The following ENTREP2 variants were observed in gnomAD, a reference collection of about 807,000 sequenced individuals.
The protein encoded by ENTREP2 is protein ENTREP2.
At chr15:29,650,188 A>G in the ENTREP2 span, among the ~76,000 whole-genome samples, 1 of 152,174 alleles carries the variant, frequency 6.6e-6, no homozygotes, top group African/African-American at 2.4e-5. Flanking sequence ...AAAAAAAAAA[A>G]AAGTTAGACA....
the ENTREP2 span, among the ~76,000 whole-genome samples, chr15:29,288,488 G>A: frequency 0.027 from 4,070 of 152,240 alleles, 227 homozygotes; most frequent in African/African-American, 0.093. Flanking sequence ...GCCTCCTTCA[G>A]GTCCCCAGCA....
At chr15:29,295,941 G>GA in the ENTREP2 span, among the ~76,000 whole-genome samples, 1 of 152,232 alleles carries the variant, frequency 6.6e-6, no homozygotes, top group Non-Finnish European at 1.5e-5. Context: ...CCTTGGGGAA[G>GA]AGGGGACTGC....
the ENTREP2 span, among the ~76,000 whole-genome samples, chr15:29,367,697 C>T: frequency 6.6e-6 from 1 of 152,020 alleles, no homozygotes; most frequent in Admixed American, 6.5e-5. Context: ...GAAGGTGTGC[C>T]CCAAGAGTCA....
the ENTREP2 span, among the ~76,000 whole-genome samples, chr15:29,310,443 C>T: frequency 6.6e-6 from 1 of 152,150 alleles, no homozygotes; most frequent in Non-Finnish European, 1.5e-5. Context: ...TAGGGAGGTC[C>T]TCAGAGGGAA....
the ENTREP2 span, among the ~76,000 whole-genome samples, chr15:29,405,870 C>T: frequency 4.6e-5 from 7 of 152,202 alleles, no homozygotes; most frequent in Non-Finnish European, 2.9e-5. Flanking sequence ...GGAGGCAGCA[C>T]GGTCCTGAGG....
chr15:29,506,582 G>A, the ENTREP2 span, among the ~76,000 whole-genome samples: 1 of 152,200 alleles, frequency 6.6e-6, no homozygotes, highest in African/African-American at 2.4e-5. Flanking sequence ...CTACAAGCCA[G>A]AAGAGAGTAG....
At chr15:29,197,547 C>T in the ENTREP2 span, among the ~76,000 whole-genome samples, 8 of 152,172 alleles carry the variant, frequency 5.3e-5, no homozygotes, top group Admixed American at 2.0e-4. Flanking sequence ...GCGGGCAGAT[C>T]ACAAGGTTAG....
the ENTREP2 span, among the ~76,000 whole-genome samples, chr15:29,620,581 T>C: frequency 6.6e-6 from 1 of 151,992 alleles, no homozygotes; most frequent in African/African-American, 2.4e-5. Flanking sequence ...CAGGCTCCGA[T>C]GAAGTATGAT....
the ENTREP2 span, among the ~76,000 whole-genome samples, chr15:29,404,611 C>G: frequency 6.6e-6 from 1 of 151,922 alleles, no homozygotes; most frequent in African/African-American, 2.4e-5. Context: ...TCCCTCGGCC[C>G]ATCATCTCCC....
At chr15:29,557,296 A>G in the ENTREP2 span, among the ~76,000 whole-genome samples, 2 of 152,088 alleles carry the variant, frequency 1.3e-5, no homozygotes, top group African/African-American at 4.8e-5. Flanking sequence ...GGTGACCCGA[A>G]CTTTGACTCT....
At chr15:29,271,764 G>A in the ENTREP2 span, among the ~76,000 whole-genome samples, 1 of 152,098 alleles carries the variant, frequency 6.6e-6, no homozygotes, top group Non-Finnish European at 1.5e-5. Flanking sequence ...TGGGGAGCTC[G>A]GATTTTAAGG....
chr15:29,248,085 G>C, the ENTREP2 span, among the ~76,000 whole-genome samples: 4 of 152,194 alleles, frequency 2.6e-5, no homozygotes, highest in Non-Finnish European at 5.9e-5. Context: ...ATTGTAACTT[G>C]CTGCAAATGA....
At chr15:29,211,953 C>T in the ENTREP2 span, among the ~76,000 whole-genome samples, 1 of 152,024 alleles carries the variant, frequency 6.6e-6, no homozygotes, top group Non-Finnish European at 1.5e-5. Context: ...TGGTTATGTC[C>T]TTTCCTGGTT....
chr15:29,511,244 T>C, the ENTREP2 span, among the ~76,000 whole-genome samples: 1 of 152,072 alleles, frequency 6.6e-6, no homozygotes, highest in Non-Finnish European at 1.5e-5. Flanking sequence ...GTTAAGCGGG[T>C]TTCCTGCAGA....
the ENTREP2 span, among the ~76,000 whole-genome samples, chr15:29,657,058 T>C: frequency 3.2e-4 from 48 of 152,212 alleles, no homozygotes; most frequent in African/African-American, 9.4e-4. Context: ...TACAGCTCTT[T>C]TCTTTTTGAG....
chr15:29,366,091 C>T, the ENTREP2 span, among the ~76,000 whole-genome samples: 120 of 152,142 alleles, frequency 7.9e-4, no homozygotes, highest in African/African-American at 2.6e-3. Flanking sequence ...TTATTATTTT[C>T]GAGATGAAGT....
the ENTREP2 span, among the ~76,000 whole-genome samples, chr15:29,118,998 C>T: frequency 1.3e-5 from 2 of 152,138 alleles, no homozygotes; most frequent in African/African-American, 2.4e-5. Context: ...ACCACCTTCA[C>T]GGCCCAGGAT....
chr15:29,185,475 G>A, the ENTREP2 span, among the ~76,000 whole-genome samples: 1 of 152,216 alleles, frequency 6.6e-6, no homozygotes, highest in Non-Finnish European at 1.5e-5. Flanking sequence ...TGAGTCTGAT[G>A]AGTTTTCACA....
chr15:29,658,375 C>A, the ENTREP2 span, among the ~76,000 whole-genome samples: 1 of 152,192 alleles, frequency 6.6e-6, no homozygotes, highest in East Asian at 1.9e-4. Context: ...AATTAAACCT[C>A]TTTCCTTTAT....
Sources: allele counts gnomAD v4.1 joint callset (sites outside exome capture counted in the v4.1 genomes callset), GRCh38; gene constraint gnomAD v4.1.1; transcripts MANE v1.5; gene names NCBI Gene and HGNC (gene_info 2026-07-23, HGNC 2026-07-21).